NPHP4: variants seen among roughly 807,000 people sequenced by gnomAD.
NPHP4 encodes the protein nephrocystin-4.
NPHP4 carries 151 observed loss-of-function variants against 155.8 expected under a neutral mutation model. The observed-to-expected ratio is 0.97, with a 90% CI of 0.85 to 1.11. The LOEUF (loss-of-function observed/expected upper bound fraction) is 1.11, where lower values mean the gene tolerates loss of function less well. Ranked by LOEUF, NPHP4 falls within the 50% of genes least tolerant of loss-of-function variation. The pLI is 0.00. For synonymous variants in NPHP4, 845 were observed against 816.8 expected (o/e 1.03, Z -0.59); for missense variants, 1,956 against 1,925.7 (o/e 1.02, Z -0.29).
At chr1:5,907,633 T>C (rs1644975334) in intron 12 of NPHP4, among the ~76,000 whole-genome samples, 1 of 152,214 alleles carries the variant, frequency 6.6e-6, no homozygotes, top group Non-Finnish European at 1.5e-5. Flanking sequence ...GTTAAGGCAA[T>C]GACCATCTTG....
chr1:5,986,439 A>C, intron 1 of NPHP4, 112 bp from the exon 2 acceptor site: 3 of 845,948 alleles, frequency 3.5e-6, no homozygotes, highest in Non-Finnish European at 3.6e-6. Context: ...CATCCCCCAA[A>C]CCCACACTCT....
intron 8 of NPHP4, 103 bp from the exon 9 acceptor site, chr1:5,947,333 G>T: frequency 1.6e-6 from 2 of 1,241,106 alleles, no homozygotes; most frequent in Non-Finnish European, 2.3e-6. Context: ...CACCCTGGGG[G>T]ACACAGGGGT....
In NPHP4 at chr1:5,879,775, G is replaced by GCACA. The variant is rs34688152; in HGVS notation, c.2611+338_2611+339insTGTG. The GCACA allele has an allele frequency of 7.0e-3, 2,296 of 327,768 alleles. 39 individuals are homozygous for GCACA. Among genetic ancestry groups the GCACA allele is most frequent in the Non-Finnish European group, 8.4e-3 (1,434 of 171,546 alleles). The allele number at this position is 327,768 out of a possible 1,614,324, so 20.3% of individuals were successfully genotyped here. On this transcript the variant is annotated intron_variant, in intron 19 of 29. Coordinates refer to ENST00000378156, the MANE Select transcript of NPHP4 (RefSeq NM_015102.5). ...GGGCATTAACAGCACCACGAATGGT[G>GCACA]CGCACACACACACACACACGCAAAC...
rs887545813 is a variant in NPHP4, at chr1:5,864,126, G to C, written c.3997-93C>G. ...GTATTCCCTGAGTCTCCTGTGCACC[G>C]TGCACGGGGACCCCCACAGAGATAA... On this transcript the variant is annotated intron_variant, in intron 28 of 29. Transcript: ENST00000378156. The C allele has an allele frequency of 4.3e-5, 61 of 1,427,944 alleles. 1 individual carries two copies. The highest frequency in any genetic ancestry group is 5.7e-5 in the Non-Finnish European group (59 of 1,036,170). 88.5% of individuals were successfully genotyped at this position (1,427,944 alleles called of 1,614,324 possible).
At chr1:5,924,961 C>A (rs1645922869) in intron 11 of NPHP4, among the ~76,000 whole-genome samples, 1 of 152,146 alleles carries the variant, frequency 6.6e-6, no homozygotes, top group Non-Finnish European at 1.5e-5. Context: ...TGGCCTGTAT[C>A]ATAATTTAAA....
At chr1:5,924,724 G>A (rs889048601) in intron 11 of NPHP4, among the ~76,000 whole-genome samples, 3 of 152,058 alleles carry the variant, frequency 2.0e-5, no homozygotes, top group Non-Finnish European at 4.4e-5. Flanking sequence ...GCGTAATCAC[G>A]GCTCACTGCA....
chr1:5,970,576 A>G (rs1361018001), intron 3 of NPHP4, among the ~76,000 whole-genome samples: 1 of 152,168 alleles, frequency 6.6e-6, no homozygotes, highest in Non-Finnish European at 1.5e-5. Context: ...TTGCTAATCA[A>G]CAGGGAATGC....
At chr1:5,886,145 C>T (rs572697557) in intron 18 of NPHP4, among the ~76,000 whole-genome samples, 8 of 152,370 alleles carry the variant, frequency 5.3e-5, no homozygotes, top group African/African-American at 7.2e-5. Flanking sequence ...CAGAGCAGAA[C>T]GCTTCTTGCA....
intron 3 of NPHP4, among the ~76,000 whole-genome samples, chr1:5,976,458 A>G (rs1345589465): frequency 6.6e-6 from 1 of 152,196 alleles, no homozygotes; most frequent in East Asian, 1.9e-4. Context: ...AAACAGCTCT[A>G]TCCCCAGCAG....
At position 5,944,860 on chromosome 1, in the gene NPHP4, C is replaced by A. The variant is rs747961202; in HGVS notation, c.1119+2244G>T. 2.0e-5 allele frequency among the ~76,000 whole-genome samples: 3 copies of A among 152,166 alleles called. No homozygotes were observed. Among genetic ancestry groups the A allele is most frequent in the African/African-American group, 7.2e-5 (3 of 41,422 alleles). ...TGGCCCGTGCCTATAGTCCCAGCTA[C>A]TCAGGAGACTGAGGCAGGAGAGTCA... On this transcript the variant is annotated intron_variant, in intron 9 of 29. Coordinates refer to ENST00000378156, the MANE Select transcript of NPHP4 (RefSeq NM_015102.5). The surrounding 1 kb of genome is among the most constrained non-coding windows in gnomAD (Gnocchi z 4.3).
chr1:5,983,146 ATC>A lies in NPHP4; in HGVS notation c.135+3007_135+3008del, dbSNP rs540485245. Among the ~76,000 whole-genome samples, 823 of 152,298 alleles carry A rather than the reference ATC, an allele frequency of 5.4e-3. 9 individuals are homozygous for A. Among genetic ancestry groups the A allele is most frequent in the African/African-American group, 0.018 (747 of 41,564 alleles). On this transcript the variant is annotated intron_variant, in intron 2 of 29. Coordinates refer to ENST00000378156, the MANE Select transcript of NPHP4 (RefSeq NM_015102.5). ...CAAATCCCTATGAGTGTTCTGATCT[ATC>A]TGTTTTTTCAATAATTGAGAGAAGA...
intron 11 of NPHP4, among the ~76,000 whole-genome samples, chr1:5,924,680 G>C (rs1645906236): frequency 6.6e-6 from 1 of 152,152 alleles, no homozygotes; most frequent in African/African-American, 2.4e-5. Context: ...TTTGAGACAA[G>C]GTCTCACTCT....
chr1:5,866,499 C>G, intron 25 of NPHP4, 41 bp from the exon 26 acceptor site: 1 of 1,227,536 alleles, frequency 8.1e-7, no homozygotes, highest in Non-Finnish European at 1.2e-6. Flanking sequence ...ACACAGTGCT[C>G]TGCCGACCCC....
At chr1:5,935,910 G>GTAAT (rs1646514205) in intron 9 of NPHP4, among the ~76,000 whole-genome samples, 1 of 152,036 alleles carries the variant, frequency 6.6e-6, no homozygotes, top group African/African-American at 2.4e-5. Flanking sequence ...AAATGTATTA[G>GTAAT]GAAAACTTGT....
At chr1:5,976,163 G>T (rs1653528014) in intron 3 of NPHP4, among the ~76,000 whole-genome samples, 1 of 152,190 alleles carries the variant, frequency 6.6e-6, no homozygotes, top group Non-Finnish European at 1.5e-5. Context: ...GGAGCCGTCA[G>T]ATGCACAGGG....
rs912840016 is a variant in NPHP4, at chr1:5,889,027, C to G, written c.2305-1561G>C. 6.6e-6 allele frequency among the ~76,000 whole-genome samples: 1 copy of G among 152,228 alleles called. No individual in the cohort carries two copies. Among genetic ancestry groups the G allele is most frequent in the Non-Finnish European group, 1.5e-5 (1 of 68,038 alleles). On this transcript the variant is annotated intron_variant, in intron 17 of 29. Coordinates refer to ENST00000378156, the MANE Select transcript of NPHP4 (RefSeq NM_015102.5). The surrounding 1 kb of genome is among the most constrained non-coding windows in gnomAD (Gnocchi z 4.2). ...ACCAGAAACAAGGATAAAAACAGAACTGCCCCAGGGCTGGGCTAGGGGTCA... is the reference window on the plus strand; with the variant it reads ...ACCAGAAACAAGGATAAAAACAGAAGTGCCCCAGGGCTGGGCTAGGGGTCA...
At chr1:5,948,985 T>C (rs1647366201) in intron 7 of NPHP4, among the ~76,000 whole-genome samples, 1 of 152,228 alleles carries the variant, frequency 6.6e-6, no homozygotes, top group Non-Finnish European at 1.5e-5. Context: ...TTACTGTCCA[T>C]TAATCAAGCT....
Position 5,961,863 on chromosome 1 carries a change from G to C in NPHP4, c.604C>G (p.Leu202Val). 1.2e-6 allele frequency: 2 copies of C among 1,613,862 alleles called. No individual in the cohort carries two copies. The highest frequency in any genetic ancestry group is 4.5e-5 in the East Asian group (2 of 44,888). ...HPALEPAFHL[L>V]PENLLVSGLQ... Reference sequence around the variant, plus strand: ...CCAGACACCAGAAGGTTCTCAGGAAGAAGGTGGAACGCAGGCTCCAGGGCC... The same window carrying C: ...CCAGACACCAGAAGGTTCTCAGGAACAAGGTGGAACGCAGGCTCCAGGGCC... The change falls in exon 6 of 30, where the codon CTT becomes GTT. Residue 202 changes from leucine (L) to valine (V), a missense_variant. By Grantham distance (32) the Leu-to-Val change is conservative (BLOSUM62 1). Transcript: ENST00000378156.
chr1:5,913,050 C>A (rs1344216844), intron 11 of NPHP4, among the ~76,000 whole-genome samples: 1 of 151,312 alleles, frequency 6.6e-6, no homozygotes, highest in Non-Finnish European at 1.5e-5. Flanking sequence ...ACTCGGGAGG[C>A]TGAGGCAGAA....
Sources: gnomAD v4.1 joint callset for allele counts (sites outside exome capture counted in the v4.1 genomes callset) on GRCh38, gnomAD v4.1.1 for gene constraint, Gnocchi (gnomAD v3.1) non-coding constraint, MANE v1.5 for transcripts, NCBI Gene and HGNC (gene_info 2026-07-23, HGNC 2026-07-21) for gene names.